MYO5C: variants seen among roughly 807,000 people sequenced by gnomAD.
MYO5C encodes myosin VC.
A neutral mutation model predicts 235.7 loss-of-function variants in MYO5C; 194 were observed. That is an observed-to-expected ratio of 0.82 (90% CI 0.73 to 0.93). The LOEUF (loss-of-function observed/expected upper bound fraction) is 0.93. Ranked by LOEUF, MYO5C falls within the 40% of genes least tolerant of loss-of-function variation. The probability of loss-of-function intolerance (pLI) is 0.00; values close to 1 mark genes in which losing one functional copy is unlikely to be tolerated. For missense variants in MYO5C, 2,038 were observed against 2,127.2 expected (o/e 0.96, Z 0.82); for synonymous variants, 707 against 754.8 (o/e 0.94, Z 1.04).
chr15:52,293,197 C>T (rs2037428995), intron 1 of MYO5C, among the ~76,000 whole-genome samples: 1 of 152,204 alleles, frequency 6.6e-6, no homozygotes, highest in Non-Finnish European at 1.5e-5. Flanking sequence ...TCCTGGAGTT[C>T]CCTCTTCCCT....
intron 30 of MYO5C, among the ~76,000 whole-genome samples, chr15:52,220,388 T>C (rs2035648863): frequency 6.6e-6 from 1 of 152,154 alleles, no homozygotes; most frequent in South Asian, 2.1e-4. Context: ...GATCTCACTC[T>C]GTCACCCAGG....
intron 25 of MYO5C, among the ~76,000 whole-genome samples, chr15:52,227,749 C>A (rs1279684569): frequency 6.6e-6 from 1 of 152,172 alleles, no homozygotes; most frequent in Non-Finnish European, 1.5e-5. Flanking sequence ...TGACCTCCTA[C>A]TTTTAAACAA....
chr15:52,260,304 T>C (rs936704608), intron 10 of MYO5C, among the ~76,000 whole-genome samples: 1 of 151,998 alleles, frequency 6.6e-6, no homozygotes, highest in African/African-American at 2.4e-5. Flanking sequence ...AGGATTGGGG[T>C]AGGGGGGTGG....
At position 52,240,195 on chromosome 15, in the gene MYO5C, C is replaced by CATT. The variant is rs2036180963; in HGVS notation, c.2557-317_2557-316insAAT. 3.9e-5 allele frequency among the ~76,000 whole-genome samples: 6 copies of CATT among 152,246 alleles called. No individual in the cohort carries two copies. In the East Asian group the frequency reaches 1.2e-3, roughly 29 times the overall value. On this transcript the variant is annotated intron_variant, in intron 20 of 40. Transcript: ENST00000261839. The stretch of plus-strand genomic sequence containing the variant: ...AGAAATTGGTCTCTGCCATAACTTT[C>CATT]TTTTTTTCTTTTCTTTTTCTTTTTC...
At chr15:52,249,942 A>G (rs1425929426) in intron 13 of MYO5C, among the ~76,000 whole-genome samples, 2 of 152,224 alleles carry the variant, frequency 1.3e-5, no homozygotes, top group East Asian at 3.8e-4. Flanking sequence ...ATCAATCCAT[A>G]GTCCAGCCCA....
At chr15:52,207,827 C>G (rs899312809) in intron 36 of MYO5C, among the ~76,000 whole-genome samples, 1 of 152,148 alleles carries the variant, frequency 6.6e-6, no homozygotes, top group African/African-American at 2.4e-5. Flanking sequence ...AAGGATGTGA[C>G]TAGGCAATTC....
rs190858902 is a variant in MYO5C at position 52,231,667 on chromosome 15, C to A, written c.3026+955G>T. Among the ~76,000 whole-genome samples, 8 of 152,308 alleles carry A rather than the reference C, an allele frequency of 5.3e-5. No individual in the cohort carries two copies. The East Asian group carries it at 1.5e-3, about 29-fold the overall frequency. The stretch of plus-strand genomic sequence containing the variant: ...CCTCACCCAGACGCAGGCTGTCCTG[C>A]TCACTGCATGGGGAAGTTTTGTATC... On this transcript the variant is annotated intron_variant, in intron 24 of 40. Coordinates refer to ENST00000261839, the MANE Select transcript of MYO5C (RefSeq NM_018728.4).
intron 16 of MYO5C, among the ~76,000 whole-genome samples, 191 bp from the exon 17 acceptor site, chr15:52,246,233 G>A (rs184364209): frequency 1.3e-5 from 2 of 152,314 alleles, no homozygotes; most frequent in Admixed American, 1.3e-4. Flanking sequence ...GTGGGATATA[G>A]AGAAAGGAGC....
intron 7 of MYO5C, among the ~76,000 whole-genome samples, chr15:52,270,875 G>A (rs1476495193): frequency 6.6e-6 from 1 of 152,106 alleles, no homozygotes; most frequent in Non-Finnish European, 1.5e-5. Context: ...ATTAGAGAGT[G>A]TGAGTTCAAC....
chr15:52,285,133 C>A (rs2037233321), intron 1 of MYO5C, among the ~76,000 whole-genome samples: 1 of 152,086 alleles, frequency 6.6e-6, no homozygotes, highest in Admixed American at 6.5e-5. Context: ...TTTGGGAGAC[C>A]CAGGTGGGTG....
Position 52,205,067 on chromosome 15 carries a change from T to C in MYO5C, c.4618A>G (p.Ile1540Val), listed in dbSNP as rs768466852. 5 of 1,614,220 alleles carry C rather than the reference T, an allele frequency of 3.1e-6. No homozygotes were observed. Among genetic ancestry groups the C allele is most frequent in the East Asian group, 2.2e-5 (1 of 44,872 alleles). The change falls in exon 38 of 41, where the codon ATA becomes GTA. Residue 1540 changes from isoleucine to valine, a missense_variant. Coordinates refer to ENST00000261839, the MANE Select transcript of MYO5C (RefSeq NM_018728.4). Reference sequence around the variant, plus strand: ...ATGGTGTAGCCGTCCGTGTCGTCTATGCTAGAGGAGCGCTTCCGGAAGCCT... The same window carrying C: ...ATGGTGTAGCCGTCCGTGTCGTCTACGCTAGAGGAGCGCTTCCGGAAGCCT... ...PTGFRKRSSS[I>V]DDTDGYTMTS...
At chr15:52,205,221 G>A (rs564322242) in intron 37 of MYO5C, 74 bp from the exon 38 acceptor site, 11 of 1,508,538 alleles carry the variant, frequency 7.3e-6, no homozygotes, top group Admixed American at 3.7e-5. Flanking sequence ...TCTTCGGTTT[G>A]TTTCAGGAGA....
rs148372487 is a variant in MYO5C, at chr15:52,244,710, T to C, written c.2179-143A>G. 1.1e-3 allele frequency: 698 copies of C among 619,590 alleles called. 4 individuals are homozygous for C. The African/African-American group carries it at 0.012, about 10-fold the overall frequency. The allele number at this position is 619,590 out of a possible 1,614,324, so 38.4% of individuals were successfully genotyped here. On this transcript the variant is annotated intron_variant, in intron 18 of 40. Coordinates refer to ENST00000261839, the MANE Select transcript of MYO5C (RefSeq NM_018728.4). ...AAGGCAGAAAACTCACATCATGATC[T>C]AGAAATGTATACTTTGAGTTGTTTG... is the stretch of plus-strand genomic sequence containing the variant.
In MYO5C at chr15:52,223,653, A is replaced by C. The variant is rs1566968323; in HGVS notation, c.3518T>G (p.Val1173Gly). The change falls in exon 29 of 41, where the codon GTG becomes GGG. Residue 1173 changes from valine to glycine, a missense_variant. Physicochemically the swap from Val to Gly is moderately radical, Grantham distance 109 (BLOSUM62 -3). Coordinates refer to ENST00000261839, the MANE Select transcript of MYO5C (RefSeq NM_018728.4). ...GTTGATTTCTTGACTGAGATGCACC[A>C]CTTTGAAGTTCAAAGCTTCAATCTC... ...EKEIEALNFK[V>G]VHLSQEINHL... is the part of the protein sequence containing the mutation. The C allele has an allele frequency of 1.9e-6, 3 of 1,614,028 alleles. No individual in the cohort carries two copies. Among genetic ancestry groups the C allele is most frequent in the Non-Finnish European group, 2.5e-6 (3 of 1,180,026 alleles).
intron 31 of MYO5C, among the ~76,000 whole-genome samples, chr15:52,219,474 G>A (rs1318917522): frequency 6.6e-6 from 1 of 152,202 alleles, no homozygotes; most frequent in African/African-American, 2.4e-5. Context: ...ACAGTGAAAA[G>A]TACGTGTCCT....
chr15:52,224,981 C>G lies in MYO5C; in HGVS notation c.3366G>C (p.Arg1122Ser), dbSNP rs199650912. The G allele has an allele frequency of 5.4e-5, 87 of 1,613,834 alleles. No individual in the cohort carries two copies. The African/African-American group carries it at 1.1e-3, about 21-fold the overall frequency. The change falls in exon 28 of 41, where the codon AGG becomes AGC. Residue 1122 changes from arginine (R) to serine (S), a missense_variant and splice_region_variant. By Grantham distance (110) the Arg-to-Ser change is moderately radical. Transcript: ENST00000261839. ...AATGTTCCAGATCTTCCACAGAGAG[C>G]CTGCAAAATAAGGAAGATAAGAAAA... ...ESYDIEDVRS[R>S]LSVEDLEHLN...
At chr15:52,213,381 G>C (rs2035492132) in intron 33 of MYO5C, 95 bp from the exon 34 acceptor site, 2 of 813,872 alleles carry the variant, frequency 2.5e-6, no homozygotes, top group Non-Finnish European at 4.2e-6. Flanking sequence ...TGGCTGGTTT[G>C]CACGTAAATG....
At chr15:52,211,285 A>G (rs925867277) in intron 35 of MYO5C, among the ~76,000 whole-genome samples, 2 of 152,246 alleles carry the variant, frequency 1.3e-5, no homozygotes, top group Non-Finnish European at 2.9e-5. Context: ...TTACTAAGTA[A>G]CTAACCTAAC....
intron 33 of MYO5C, among the ~76,000 whole-genome samples, chr15:52,214,317 C>T (rs1799943150): frequency 6.6e-6 from 1 of 152,112 alleles, no homozygotes; most frequent in South Asian, 2.1e-4. Context: ...AAAAATTGTT[C>T]ACAATTTCAT....
Sources: allele counts gnomAD v4.1 joint callset (sites outside exome capture counted in the v4.1 genomes callset), GRCh38; gene constraint gnomAD v4.1.1; transcripts MANE v1.5; gene names NCBI Gene and HGNC (gene_info 2026-07-23, HGNC 2026-07-21).